UACA: variants seen among roughly 807,000 people sequenced by gnomAD.
UACA encodes nuclear membrane binding protein.
UACA carries 112 observed loss-of-function variants against 160.5 expected under a neutral mutation model. The observed-to-expected ratio is 0.70, with a 90% CI of 0.60 to 0.82. The LOEUF (loss-of-function observed/expected upper bound fraction) is 0.82. Ranked by LOEUF, UACA falls within the 40% of genes least tolerant of loss-of-function variation. The probability of loss-of-function intolerance (pLI) is 0.00; values close to 1 mark genes in which losing one functional copy is unlikely to be tolerated. For missense variants in UACA, 1,574 were observed against 1,614.6 expected, an observed-to-expected ratio of 0.97 and a Z score of 0.43; for synonymous variants, 557 against 568.4, an observed-to-expected ratio of 0.98 and a Z score of 0.29.
In UACA at chr15:70,668,649, C is replaced by A. The variant is rs756435149; in HGVS notation, c.2035G>T (p.Ala679Ser). The change falls in exon 16 of 19, where the codon GCT becomes TCT. Residue 679 changes from alanine (A) to serine (S), a missense_variant. By Grantham distance (99) the Ala-to-Ser change is moderately conservative (BLOSUM62 1). Transcript: ENST00000322954. ...TGTTCCTCTGGTTTGACGTGCTGAG[C>A]AAGCTTGGCCTTAACATTCTCAAGT... ...RELENVKAKL[A>S]QHVKPEEHEQ... The A allele has an allele frequency of 1.2e-6, 2 of 1,614,090 alleles. No homozygotes were observed. The highest frequency in any genetic ancestry group is 2.7e-5 in the African/African-American group (2 of 75,058).
Position 70,656,938 on chromosome 15 carries a change from C to A in UACA, c.*118G>T. 2 of 664,454 alleles carry A rather than the reference C, an allele frequency of 3.0e-6. No individual in the cohort carries two copies. Among genetic ancestry groups the A allele is most frequent in the South Asian group, 3.2e-5 (1 of 30,808 alleles). The allele number at this position is 664,454 out of a possible 1,614,324, so 41.2% of individuals were successfully genotyped here. ...TTTAAAAAAAAACCTACCAATAGAACAAAATATATTTTATTTTAATTATAC... is the reference window on the plus strand; with the variant it reads ...TTTAAAAAAAAACCTACCAATAGAAAAAAATATATTTTATTTTAATTATAC... On this transcript the variant is annotated 3_prime_UTR_variant, in exon 19 of 19. Transcript: ENST00000322954.
At chr15:70,679,753 C>A in intron 9 of UACA, 77 bp from the exon 10 acceptor site, 1 of 845,618 alleles carries the variant, frequency 1.2e-6, no homozygotes, top group South Asian at 1.6e-5. Flanking sequence ...ATTGGCAATA[C>A]ACCCAGTTAG....
At chr15:70,707,095 A>G (rs772240281) in intron 1 of UACA, among the ~76,000 whole-genome samples, 2 of 152,208 alleles carry the variant, frequency 1.3e-5, no homozygotes, top group Non-Finnish European at 2.9e-5. Flanking sequence ...AGACATATAG[A>G]CCAGTGGAAT....
At chr15:70,756,259 C>A (rs942841943) in intron 1 of UACA, among the ~76,000 whole-genome samples, 1 of 151,900 alleles carries the variant, frequency 6.6e-6, no homozygotes, top group African/African-American at 2.4e-5. Flanking sequence ...CTCCGCCTCC[C>A]AGGTTCAAGC....
intron 1 of UACA, among the ~76,000 whole-genome samples, chr15:70,708,283 G>A (rs747246593): frequency 1.3e-5 from 2 of 152,070 alleles, no homozygotes; most frequent in Non-Finnish European, 2.9e-5. Flanking sequence ...GCAGAGGTGG[G>A]GAGCTATTGT....
chr15:70,672,410 T>C (rs962427292), intron 13 of UACA, among the ~76,000 whole-genome samples: 3 of 152,172 alleles, frequency 2.0e-5, no homozygotes, highest in Non-Finnish European at 4.4e-5. Context: ...CCCTACCTCA[T>C]TGACTATGAA....
chr15:70,745,384 G>A (rs761196188), intron 1 of UACA, among the ~76,000 whole-genome samples: 6 of 150,826 alleles, frequency 4.0e-5, no homozygotes, highest in South Asian at 4.2e-4. Context: ...GCAGTGAGCC[G>A]AGATCGTGCG....
intron 2 of UACA, 106 bp downstream of exon 2, chr15:70,699,421 G>T: frequency 1.5e-6 from 2 of 1,337,562 alleles, no homozygotes; most frequent in Non-Finnish European, 1.0e-6. Flanking sequence ...GGTTTTGGCA[G>T]AATTTCTTAA....
At chr15:70,711,397 C>A (rs1438113298) in intron 1 of UACA, among the ~76,000 whole-genome samples, 1 of 151,688 alleles carries the variant, frequency 6.6e-6, no homozygotes, top group Admixed American at 6.6e-5. Context: ...CACGGTGGCT[C>A]ACACCTGTAA....
At chr15:70,763,270 A>C in intron 1 of UACA, 60 bp downstream of exon 1, 1 of 1,292,218 alleles carries the variant, frequency 7.7e-7, no homozygotes, top group Non-Finnish European at 9.9e-7. Context: ...ACTCGCCAGC[A>C]AAGGAGGGCT....
chr15:70,723,124 TA>T (rs1407455745), intron 1 of UACA, among the ~76,000 whole-genome samples: 2 of 152,170 alleles, frequency 1.3e-5, no homozygotes, highest in African/African-American at 4.8e-5. Context: ...ATAATGCTAA[TA>T]AAAACCACTT....
At chr15:70,676,908 T>C (rs1380312700) in intron 12 of UACA, among the ~76,000 whole-genome samples, 200 bp downstream of exon 12, 1 of 152,166 alleles carries the variant, frequency 6.6e-6, no homozygotes, top group Non-Finnish European at 1.5e-5. Flanking sequence ...TCAGAGGCAA[T>C]AACAACAAAA....
At chr15:70,769,011 C>A in the UACA span, among the ~76,000 whole-genome samples, 1 of 152,054 alleles carries the variant, frequency 6.6e-6, no homozygotes. Flanking sequence ...TCCATCACAA[C>A]CTTTGCTACT....
In UACA at chr15:70,687,626, A is replaced by C; in HGVS notation, c.516T>G (p.Val172=). The change falls in exon 7 of 19, where the codon GTT becomes GTG. Residue 172 remains valine (V), a synonymous_variant. Transcript: ENST00000322954. ...AKDVDGRTPL[V]LATQMSRPTI... ...TTGGCCTACTCATCTGAGTAGCCAG[A>C]ACAAGTGGTGTCCGCCCGTCCTAAG... 6.2e-7 allele frequency: 1 copy of C among 1,613,948 alleles called. No homozygotes were observed. The highest frequency in any genetic ancestry group is 8.5e-7 in the Non-Finnish European group (1 of 1,179,852).
At chr15:70,746,970 C>T (rs904496491) in intron 1 of UACA, among the ~76,000 whole-genome samples, 1 of 152,014 alleles carries the variant, frequency 6.6e-6, no homozygotes, top group Non-Finnish European at 1.5e-5. Flanking sequence ...ACATCATACA[C>T]TGGGGCCTGT....
chr15:70,663,968 A>G (rs1449020411), intron 17 of UACA, among the ~76,000 whole-genome samples: 2 of 152,160 alleles, frequency 1.3e-5, no homozygotes, highest in East Asian at 3.9e-4. Context: ...ATGTATACAT[A>G]TGTAACAAAC....
intron 13 of UACA, 24 bp downstream of exon 13, chr15:70,676,468 AG>A (rs1019212483): frequency 6.8e-7 from 1 of 1,478,242 alleles, no homozygotes; most frequent in African/African-American, 1.4e-5. Context: ...TATGAATTAC[AG>A]GAAATAATTT....
chr15:70,774,405 G>C, the UACA span, among the ~76,000 whole-genome samples: 1 of 152,004 alleles, frequency 6.6e-6, no homozygotes, highest in Non-Finnish European at 1.5e-5. Context: ...AATTAGCCAG[G>C]CGTGGTGGTG....
At chr15:70,664,931 T>C (rs962439715) in intron 16 of UACA, 117 bp from the exon 17 acceptor site, 33 of 904,900 alleles carry the variant, frequency 3.6e-5, no homozygotes, top group East Asian at 3.4e-4. Context: ...CACCAGAAAA[T>C]TGAGGTATGA....
Sources: allele counts gnomAD v4.1 joint callset (sites outside exome capture counted in the v4.1 genomes callset), GRCh38; gene constraint gnomAD v4.1.1; transcripts MANE v1.5; gene names NCBI Gene and HGNC (gene_info 2026-07-23, HGNC 2026-07-21).